The following BABAM2 variants were observed in gnomAD, a reference collection of about 807,000 sequenced individuals.
The protein encoded by BABAM2 is BRISC and BRCA1-A complex member 2.
Under a neutral mutation model 54.7 loss-of-function variants are expected in BABAM2, and 31 were observed. The ratio of observed to expected loss-of-function variants is 0.57; its 90% confidence interval spans 0.43 to 0.77. The LOEUF (loss-of-function observed/expected upper bound fraction) is 0.77, where lower values mean the gene tolerates loss of function less well. BABAM2 is among the 30% of genes least tolerant of loss of function. The probability of loss-of-function intolerance (pLI) is 0.00; values close to 1 mark genes in which losing one functional copy is unlikely to be tolerated. For missense variants in BABAM2, 364 were observed against 455.8 expected (o/e 0.80, Z 1.83); for synonymous variants, 167 against 162.9 (o/e 1.03, Z -0.19).
chr2:27,911,870 A>G (rs1264953609), intron 2 of BABAM2, among the ~76,000 whole-genome samples: 1 of 152,246 alleles, frequency 6.6e-6, no homozygotes, highest in African/African-American at 2.4e-5. Flanking sequence ...ATGTTGAGAT[A>G]GAATAGGAAT....
intron 5 of BABAM2, among the ~76,000 whole-genome samples, chr2:28,042,555 T>A (rs1677190013): frequency 6.6e-6 from 1 of 152,100 alleles, no homozygotes; most frequent in African/African-American, 2.4e-5. Context: ...GATCATTGAA[T>A]TTGGCAATGG....
intron 3 of BABAM2, among the ~76,000 whole-genome samples, chr2:27,971,352 A>G (rs1671207051): frequency 6.6e-6 from 1 of 152,174 alleles, no homozygotes; most frequent in Non-Finnish European, 1.5e-5. Flanking sequence ...ATCTTGATTT[A>G]TCCTGCCAGT....
At chr2:28,214,875 T>C (rs938555376) in intron 7 of BABAM2, among the ~76,000 whole-genome samples, 5 of 152,118 alleles carry the variant, frequency 3.3e-5, no homozygotes, top group African/African-American at 1.2e-4. Flanking sequence ...TTCCTGTGAC[T>C]GTTGCCCTCC....
In BABAM2 at chr2:28,083,756, C is replaced by G. The variant is rs142820038; in HGVS notation, c.570+37957C>G. Among the ~76,000 whole-genome samples, 388 of 152,252 alleles carry G rather than the reference C, an allele frequency of 2.5e-3. 4 individuals are homozygous for G. The highest frequency in any genetic ancestry group is 9.1e-3 in the African/African-American group (376 of 41,544). On this transcript the variant is annotated intron_variant, in intron 6 of 11. Coordinates refer to ENST00000379624, the MANE Select transcript of BABAM2 (RefSeq NM_199191.3). ...GCCTGTGGGTAACTAGATACTGACTCTTATCTTTGTCCCAGCGAGTGGCCA... is the reference window on the plus strand; with the variant it reads ...GCCTGTGGGTAACTAGATACTGACTGTTATCTTTGTCCCAGCGAGTGGCCA...
intron 3 of BABAM2, among the ~76,000 whole-genome samples, chr2:27,985,649 A>G (rs1056974513): frequency 4.6e-5 from 7 of 152,190 alleles, no homozygotes; most frequent in African/African-American, 1.7e-4. Flanking sequence ...TTAAATAAGT[A>G]TAAAAACATG....
chr2:28,154,922 A>T (rs1006185094), intron 7 of BABAM2, among the ~76,000 whole-genome samples: 1 of 152,200 alleles, frequency 6.6e-6, no homozygotes, highest in Non-Finnish European at 1.5e-5. Context: ...ATAGTTGAGA[A>T]TCAGTCTTTC....
intron 2 of BABAM2, among the ~76,000 whole-genome samples, chr2:27,913,572 G>T (rs560293572): frequency 1.7e-4 from 26 of 152,204 alleles, no homozygotes; most frequent in Admixed American, 1.4e-3. Context: ...AGAGGACATT[G>T]TTACTTTGTC....
intron 6 of BABAM2, among the ~76,000 whole-genome samples, chr2:28,053,513 A>G (rs1183051138): frequency 6.6e-6 from 1 of 152,204 alleles, no homozygotes; most frequent in Non-Finnish European, 1.5e-5. Context: ...TTACTCCTGT[A>G]ATAAGACGAT....
intron 10 of BABAM2, among the ~76,000 whole-genome samples, chr2:28,277,417 T>G (rs1191652402): frequency 6.6e-6 from 1 of 152,134 alleles, no homozygotes; most frequent in Non-Finnish European, 1.5e-5. Context: ...TAATCTGTCC[T>G]TTTAAATATA....
At chr2:28,207,330 C>G (rs1244777313) in intron 7 of BABAM2, among the ~76,000 whole-genome samples, 2 of 126,098 alleles carry the variant, frequency 1.6e-5, no homozygotes, top group African/African-American at 5.9e-5. Flanking sequence ...ATAGCAAGAC[C>G]TCGTCTCTAG....
chr2:27,959,962 T>C (rs75707045), intron 3 of BABAM2, among the ~76,000 whole-genome samples: 2,087 of 152,274 alleles, frequency 0.014, 55 homozygotes, highest in African/African-American at 0.047. Flanking sequence ...ATTTTTTATG[T>C]CTACTTTTGA....
At chr2:28,095,412 T>C (rs1666525752) in intron 6 of BABAM2, among the ~76,000 whole-genome samples, 1 of 152,218 alleles carries the variant, frequency 6.6e-6, no homozygotes, top group African/African-American at 2.4e-5. Flanking sequence ...AGGGCCCATG[T>C]CTACATGCTC....
chr2:27,941,421 T>C (rs1460758567), intron 3 of BABAM2, among the ~76,000 whole-genome samples: 1 of 152,048 alleles, frequency 6.6e-6, no homozygotes, highest in Non-Finnish European at 1.5e-5. Flanking sequence ...CTGGGTGTGG[T>C]GGCGGGTGCC....
intron 2 of BABAM2, among the ~76,000 whole-genome samples, chr2:27,923,564 G>A (rs1374682500): frequency 6.6e-6 from 1 of 152,194 alleles, no homozygotes; most frequent in African/African-American, 2.4e-5. Flanking sequence ...GCTGCAGTGA[G>A]TTATAATTGT....
At chr2:28,112,122 T>TTTCC (rs1668095347) in intron 6 of BABAM2, among the ~76,000 whole-genome samples, 1 of 13,264 alleles carries the variant, frequency 7.5e-5, no homozygotes. Context: ...TCTTTCTTTC[T>TTTCC]TTCTTTCTTT....
intron 7 of BABAM2, among the ~76,000 whole-genome samples, chr2:28,144,696 G>A (rs1671346771): frequency 6.6e-6 from 1 of 152,178 alleles, no homozygotes. Context: ...ACAGACAAGA[G>A]CAATCCAGAA....
At chr2:28,183,952 T>G (rs1289858323) in intron 7 of BABAM2, among the ~76,000 whole-genome samples, 1 of 152,156 alleles carries the variant, frequency 6.6e-6, no homozygotes. Context: ...TATTTGCTCA[T>G]AGAGACACAC....
At chr2:28,173,827 G>C (rs972847766) in intron 7 of BABAM2, among the ~76,000 whole-genome samples, 3 of 152,190 alleles carry the variant, frequency 2.0e-5, no homozygotes, top group Non-Finnish European at 4.4e-5. Context: ...AGTCCTGATA[G>C]CTTAAAGCAT....
chr2:28,072,262 T>C (rs998529056), intron 6 of BABAM2, among the ~76,000 whole-genome samples: 3 of 151,996 alleles, frequency 2.0e-5, no homozygotes, highest in African/African-American at 7.2e-5. Flanking sequence ...AACCTTCGCC[T>C]CCCGGATTCA....
Sources: allele counts gnomAD v4.1 joint callset (sites outside exome capture counted in the v4.1 genomes callset), GRCh38; gene constraint gnomAD v4.1.1; transcripts MANE v1.5; gene names NCBI Gene and HGNC (gene_info 2026-07-23, HGNC 2026-07-21).